NOP14: variants seen among roughly 807,000 people sequenced by gnomAD.
The protein encoded by NOP14 is nucleolar protein 14.
NOP14 carries 57 observed loss-of-function variants against 101.6 expected under a neutral mutation model. The observed-to-expected ratio is 0.56, with a 90% confidence interval of 0.45 to 0.70. NOP14 has a LOEUF of 0.70. Among genes scored for constraint, NOP14 ranks in the 30% least tolerant of loss-of-function variants. NOP14 has a pLI of 0.00. For synonymous variants in NOP14, 428 were observed against 424.0 expected (o/e 1.01, Z -0.12); for missense variants, 1,134 against 1,075.5 (o/e 1.05, Z -0.76).
chr4:2,952,336 T>A lies in NOP14; in HGVS notation c.809A>T (p.Asn270Ile), dbSNP rs1715083104. 1.9e-6 allele frequency: 3 copies of A among 1,613,766 alleles called. No individual in the cohort carries two copies. The African/African-American group carries it at 4.0e-5, about 22-fold the overall frequency. Residue 270 changes from asparagine to isoleucine, a missense_variant, in exon 6 of 18, where the codon AAC becomes ATC. Physicochemically the swap from Asn to Ile is moderately radical, Grantham distance 149. Transcript: ENST00000416614. The part of the protein sequence containing the change: ...LGFEMKAQPS[N>I]RMKTEAELAK... ...CAATTCTGCCTCCGTCTTCATCCTGTTAGAGGGCTGCGCCTTCATTTCAAA... is the reference window on the plus strand; with the variant it reads ...CAATTCTGCCTCCGTCTTCATCCTGATAGAGGGCTGCGCCTTCATTTCAAA...
intron 12 of NOP14, 66 bp from the exon 13 acceptor site, chr4:2,944,292 G>T: frequency 6.7e-7 from 1 of 1,502,992 alleles, no homozygotes. Context: ...GCCGACCACC[G>T]GGCTTCCCTG....
chr4:2,950,871 T>C, intron 7 of NOP14: 1 of 404,732 alleles, frequency 2.5e-6, no homozygotes, highest in Non-Finnish European at 4.4e-6. Context: ...TGTGTTCCTT[T>C]GAGACAGAGA....
rs1344366838 is a variant in NOP14, at chr4:2,956,698, G to A, written c.444C>T (p.Ser148=). The A allele has an allele frequency of 6.8e-6, 11 of 1,612,820 alleles. No individual in the cohort carries two copies. The highest frequency in any genetic ancestry group is 4.5e-5 in the East Asian group (2 of 44,858). ...ACAACGTTCCTCGATCCTCAGCATCGCTGTCACTGTCCACAATGTCATTAT... is the reference window on the plus strand; with the variant it reads ...ACAACGTTCCTCGATCCTCAGCATCACTGTCACTGTCCACAATGTCATTAT... ...EKHNDIVDSD[S]DAEDRGTLSA... The change falls in exon 3 of 18, where the codon AGC becomes AGT. Residue 148 remains serine (S), a synonymous_variant. Coordinates refer to ENST00000416614, the MANE Select transcript of NOP14 (RefSeq NM_001291978.2).
intron 1 of NOP14, among the ~76,000 whole-genome samples, chr4:2,960,155 A>C (rs1439965845): frequency 2.0e-5 from 3 of 152,030 alleles, no homozygotes; most frequent in Admixed American, 2.0e-4. Context: ...TATTTTTAGT[A>C]GAGATGGGGT....
In NOP14 at chr4:2,956,814, G is replaced by C; in HGVS notation, c.331-3C>G. 2 of 1,569,942 alleles carry C rather than the reference G, an allele frequency of 1.3e-6. No individual in the cohort carries two copies. Among genetic ancestry groups the C allele is most frequent in the South Asian group, 2.4e-5 (2 of 84,166 alleles). On this transcript the variant is annotated splice_polypyrimidine_tract_variant and splice_region_variant and intron_variant, in intron 2 of 17. Transcript: ENST00000416614. ...ATGCTTTTTTTCTCATGATGTCGCT[G>C]ACAGAAGAGAAAAAAAGTTTCCTAA...
intron 17 of NOP14, 50 bp downstream of exon 17, chr4:2,939,138 C>G: frequency 6.2e-7 from 1 of 1,609,096 alleles, no homozygotes; most frequent in Non-Finnish European, 8.5e-7. Context: ...CCACACAGCA[C>G]CAAAGCTGAG....
chr4:2,944,313 C>A, intron 12 of NOP14, 87 bp from the exon 13 acceptor site: 1 of 1,249,686 alleles, frequency 8.0e-7, no homozygotes, highest in Admixed American at 2.2e-5. Context: ...ATGAACCACG[C>A]ACCCCACTGA....
chr4:2,963,021 T>A, intron 1 of NOP14, 104 bp downstream of exon 1: 1 of 1,204,574 alleles, frequency 8.3e-7, no homozygotes, highest in Non-Finnish European at 1.1e-6. Context: ...TCACGGCCTG[T>A]GCCGCTCAAC....
rs1171803950 is a variant in NOP14, at chr4:2,938,740, TGAAGCAA to T, written c.*84_*90del. The stretch of plus-strand genomic sequence containing the variant: ...CCAGGCTGGTCTCGAACTCCTGGGC[TGAAGCAA>T]TCTTCCTGCCTTGGCCTCCCAGAGG... On this transcript the variant is annotated 3_prime_UTR_variant, in exon 18 of 18. Coordinates refer to ENST00000416614, the MANE Select transcript of NOP14 (RefSeq NM_001291978.2). 9.5e-7 allele frequency: 1 copy of T among 1,054,410 alleles called. No individual in the cohort carries two copies. Among genetic ancestry groups the T allele is most frequent in the East Asian group, 2.5e-5 (1 of 39,778 alleles). 65.3% of individuals were successfully genotyped at this position (1,054,410 alleles called of 1,614,324 possible).
rs1168975836 is a variant in NOP14 at position 2,950,203 on chromosome 4, A to G, written c.1013T>C (p.Met338Thr). ...TTCCTGGACATCTTCCTCGACATTC[A>G]TCTTTCCATCCTACCAAGAGCGTGG... is the stretch of plus-strand genomic sequence containing the variant. Reference protein sequence around the residue: ...RRLLSYKDGKMNVEEDVQEEQ... With the variant: ...RRLLSYKDGKTNVEEDVQEEQ... The change falls in exon 8 of 18, where the codon ATG becomes ACG. Residue 338 changes from methionine to threonine, a missense_variant. Transcript: ENST00000416614. 1.9e-6 allele frequency: 3 copies of G among 1,613,590 alleles called. No homozygotes were observed. Among genetic ancestry groups the G allele is most frequent in the East Asian group, 2.2e-5 (1 of 44,864 alleles).
intron 3 of NOP14, among the ~76,000 whole-genome samples, chr4:2,955,349 G>A (rs111855186): frequency 1.8e-4 from 14 of 76,260 alleles, no homozygotes; most frequent in African/African-American, 4.0e-4. Context: ...ACGCCACGGC[G>A]CCCCCTCTAG....
At chr4:2,945,473 C>A (rs1204095167) in intron 11 of NOP14, among the ~76,000 whole-genome samples, 1 of 152,170 alleles carries the variant, frequency 6.6e-6, no homozygotes, top group Non-Finnish European at 1.5e-5. Context: ...GTTATAGACA[C>A]GGGCTCAGAT....
At chr4:2,960,983 T>C (rs13122667) in intron 1 of NOP14, among the ~76,000 whole-genome samples, 76 of 2,902 alleles carry the variant, frequency 0.026, 3 homozygotes, top group African/African-American at 0.052. Flanking sequence ...TATATTAATA[T>C]TATATCGATA....
Position 2,938,207 on chromosome 4 carries a change from C to G in NOP14, c.*624G>C, listed in dbSNP as rs2109284504. 4.7e-6 allele frequency: 6 copies of G among 1,288,900 alleles called. No homozygotes were observed. Among genetic ancestry groups the G allele is most frequent in the Non-Finnish European group, 6.1e-6 (6 of 988,510 alleles). The allele number at this position is 1,288,900 out of a possible 1,614,324, so 79.8% of individuals were successfully genotyped here. The stretch of plus-strand genomic sequence containing the variant: ...GGGGGAGCTGGAGGTTGGAATCACA[C>G]CAACATTATAGCATTATTACTCTAA... On this transcript the variant is annotated 3_prime_UTR_variant, in exon 18 of 18. Coordinates refer to ENST00000416614, the MANE Select transcript of NOP14 (RefSeq NM_001291978.2).
intron 1 of NOP14, among the ~76,000 whole-genome samples, chr4:2,959,401 G>GCTA (rs1577852407): frequency 1.3e-5 from 2 of 152,052 alleles, no homozygotes; most frequent in East Asian, 1.9e-4. Flanking sequence ...GACCATCCTG[G>GCTA]GTAACATGGT....
intron 6 of NOP14, among the ~76,000 whole-genome samples, chr4:2,951,508 C>T (rs749055509): frequency 3.9e-5 from 6 of 152,196 alleles, no homozygotes; most frequent in Non-Finnish European, 8.8e-5. Context: ...TATTCTGAGG[C>T]CTTCACAGCC....
chr4:2,960,992 T>C (rs1333124114), intron 1 of NOP14, among the ~76,000 whole-genome samples: 1 of 84,604 alleles, frequency 1.2e-5, no homozygotes, highest in African/African-American at 6.3e-5. Flanking sequence ...ATTATATCGA[T>C]ATTATTTTAA....
In NOP14 at chr4:2,960,785, A is replaced by C. The variant is rs1459998977; in HGVS notation, c.195+2340T>G. 5.2e-5 allele frequency among the ~76,000 whole-genome samples: 7 copies of C among 134,728 alleles called. No homozygotes were observed. The East Asian group carries it at 1.4e-3, about 28-fold the overall frequency. 88.4% of individuals were successfully genotyped at this position (134,728 alleles called of 152,430 possible). On this transcript the variant is annotated intron_variant, in intron 1 of 17. Transcript: ENST00000416614. Reference sequence around the variant, plus strand: ...TTAATATTAATATATTAATATTATAATCACATTAATATTAATATATTAATA... The same window carrying C: ...TTAATATTAATATATTAATATTATACTCACATTAATATTAATATATTAATA...
rs749442307 is a variant in NOP14 at position 2,945,222 on chromosome 4, T to C, written c.1643A>G (p.Tyr548Cys). 6.4e-7 allele frequency: 1 copy of C among 1,565,864 alleles called. No individual in the cohort carries two copies. Among genetic ancestry groups the C allele is most frequent in the Non-Finnish European group, 8.7e-7 (1 of 1,154,040 alleles). ...AAATAGCAGCCCAGTGATTTTCAAA[T>C]AAATGAGCTGGAAAGAAAGTGTTAC... ...AALPGLDVLI[Y>C]LKITGLLFPT... Residue 548 changes from tyrosine to cysteine, a missense_variant, in exon 12 of 18, where the codon TAT (tyrosine) becomes TGT (cysteine). Tyr to Cys is a radical substitution (Grantham distance 194). Coordinates refer to ENST00000416614, the MANE Select transcript of NOP14 (RefSeq NM_001291978.2).
Sources: allele counts gnomAD v4.1 joint callset (sites outside exome capture counted in the v4.1 genomes callset), GRCh38; gene constraint gnomAD v4.1.1; transcripts MANE v1.5; gene names NCBI Gene and HGNC (gene_info 2026-07-23, HGNC 2026-07-21).